SASH1: variants seen among roughly 807,000 people sequenced by gnomAD.
The protein encoded by SASH1 is SAM and SH3 domain-containing protein 1.
Under a neutral mutation model 125.2 loss-of-function variants are expected in SASH1, and 44 were observed. The observed-to-expected ratio is 0.35, with a 90% CI of 0.28 to 0.45. The LOEUF (loss-of-function observed/expected upper bound fraction) is 0.45. Ranked by LOEUF, SASH1 falls within the 20% of genes least tolerant of loss-of-function variation. The pLI is 1.00. For synonymous variants in SASH1, 639 were observed against 649.1 expected (o/e 0.98, Z 0.24); for missense variants, 1,426 against 1,614.5 (o/e 0.88, Z 2.00).
At chr6:148,239,071 G>A in the SASH1 span, among the ~76,000 whole-genome samples, 1 of 152,162 alleles carries the variant, frequency 6.6e-6, no homozygotes, top group African/African-American at 2.4e-5. Flanking sequence ...AGGGACATTA[G>A]AGTTACTGAA....
intron 8 of SASH1, among the ~76,000 whole-genome samples, chr6:148,499,836 T>G (rs1478067228): frequency 2.6e-5 from 4 of 152,198 alleles, no homozygotes; most frequent in Admixed American, 2.6e-4. Flanking sequence ...GATTCTATTC[T>G]TTACTTATTT....
intron 1 of SASH1, among the ~76,000 whole-genome samples, chr6:148,315,278 AT>A (rs368474755): frequency 1.1e-3 from 170 of 152,250 alleles, no homozygotes; most frequent in African/African-American, 3.6e-3. Flanking sequence ...TTTATTGATC[AT>A]TTGCTATGTG....
intron 4 of SASH1, among the ~76,000 whole-genome samples, chr6:148,468,093 C>T (rs1020640242): frequency 5.3e-5 from 8 of 152,214 alleles, no homozygotes; most frequent in Admixed American, 1.3e-4. Flanking sequence ...GTGTCTCACC[C>T]GCCTCCCTGC....
chr6:148,229,329 T>C, the SASH1 span, among the ~76,000 whole-genome samples: 1 of 152,104 alleles, frequency 6.6e-6, no homozygotes, highest in African/African-American at 2.4e-5. Flanking sequence ...GTGGACTACA[T>C]GTGACATGTC....
chr6:148,517,136 T>G (rs1583288028), intron 9 of SASH1, among the ~76,000 whole-genome samples: 1 of 152,324 alleles, frequency 6.6e-6, no homozygotes, highest in Non-Finnish European at 1.5e-5. Context: ...CGTAACTCTT[T>G]TATGAGGATA....
At chr6:148,491,490 G>T (rs12195868) in intron 8 of SASH1, among the ~76,000 whole-genome samples, 1 of 151,968 alleles carries the variant, frequency 6.6e-6, no homozygotes, top group Non-Finnish European at 1.5e-5. Context: ...GGTTGGTCTC[G>T]AACCTCTGAC....
chr6:148,408,903 A>G (rs542388070), intron 2 of SASH1, among the ~76,000 whole-genome samples: 1 of 152,342 alleles, frequency 6.6e-6, no homozygotes, highest in African/African-American at 2.4e-5. Flanking sequence ...AGTCGCATAA[A>G]TTGAAGTGAT....
chr6:148,490,742 G>T (rs1018651997), intron 8 of SASH1, among the ~76,000 whole-genome samples: 1 of 152,032 alleles, frequency 6.6e-6, no homozygotes, highest in Non-Finnish European at 1.5e-5. Context: ...TTTTGAAAAC[G>T]CTGATGGTTT....
At chr6:148,496,202 G>C (rs1335358074) in intron 8 of SASH1, among the ~76,000 whole-genome samples, 3 of 152,138 alleles carry the variant, frequency 2.0e-5, no homozygotes, top group African/African-American at 2.4e-5. Context: ...TAAGCGTTTT[G>C]CTTTTTAATG....
intron 17 of SASH1, among the ~76,000 whole-genome samples, chr6:148,542,426 G>A (rs753169107): frequency 3.3e-5 from 5 of 151,952 alleles, no homozygotes; most frequent in Admixed American, 6.5e-5. Flanking sequence ...TCGCTCTGTC[G>A]CCCAGGCTGG....
At chr6:148,512,004 C>CATTT (rs79447361) in intron 8 of SASH1, among the ~76,000 whole-genome samples, 3,116 of 129,090 alleles carry the variant, frequency 0.024, 86 homozygotes, top group African/African-American at 0.067. Context: ...TTGATTTCAA[C>CATTT]ATTTATTTAT....
chr6:148,451,125 C>A (rs772642736), intron 4 of SASH1, among the ~76,000 whole-genome samples: 1 of 152,220 alleles, frequency 6.6e-6, no homozygotes, highest in Non-Finnish European at 1.5e-5. Context: ...TGAGAGCTCA[C>A]TCTTCTGATT....
intron 1 of SASH1, among the ~76,000 whole-genome samples, chr6:148,287,585 A>T (rs1445728142): frequency 6.6e-6 from 1 of 152,074 alleles, no homozygotes; most frequent in Non-Finnish European, 1.5e-5. Flanking sequence ...GTCTGTATTT[A>T]AGATTATTTT....
chr6:148,491,046 C>T (rs747479315), intron 8 of SASH1, among the ~76,000 whole-genome samples: 10 of 152,130 alleles, frequency 6.6e-5, no homozygotes, highest in Non-Finnish European at 1.2e-4. Flanking sequence ...CTTTCCTTCC[C>T]GTCCTCAAGC....
Position 148,546,001 on chromosome 6 carries a change from G to T in SASH1, c.3349-14G>T. 1 of 1,611,546 alleles carries T rather than the reference G, an allele frequency of 6.2e-7. No homozygotes were observed. The highest frequency in any genetic ancestry group is 1.1e-5 in the South Asian group (1 of 90,636). ...TTATGACTCTTGATGTCATATTCCT[G>T]TTCTCCCTGGCAGCATGGCCGCTGT... is the stretch of plus-strand genomic sequence containing the variant. On this transcript the variant is annotated splice_polypyrimidine_tract_variant and intron_variant, in intron 18 of 19. Transcript: ENST00000367467.
At chr6:148,359,138 C>A (rs1782079193) in intron 1 of SASH1, among the ~76,000 whole-genome samples, 1 of 151,776 alleles carries the variant, frequency 6.6e-6, no homozygotes, top group South Asian at 2.1e-4. Context: ...ATGCACTTTG[C>A]AGTTATGGCT....
intron 1 of SASH1, among the ~76,000 whole-genome samples, chr6:148,382,595 A>T (rs553443599): frequency 6.6e-6 from 1 of 151,772 alleles, no homozygotes; most frequent in Non-Finnish European, 1.5e-5. Context: ...TGGCCCCCCA[A>T]TTTTTTTTCC....
At chr6:148,293,620 G>A (rs1462854172) in intron 1 of SASH1, among the ~76,000 whole-genome samples, 1 of 152,110 alleles carries the variant, frequency 6.6e-6, no homozygotes, top group African/African-American at 2.4e-5. Flanking sequence ...GGGAGGGGGA[G>A]GGGAATTGGA....
At chr6:148,419,287 G>T (rs776432791) in intron 2 of SASH1, among the ~76,000 whole-genome samples, 7 of 152,138 alleles carry the variant, frequency 4.6e-5, no homozygotes, top group Non-Finnish European at 1.0e-4. Flanking sequence ...TTGGAGTTTT[G>T]GGGCAAAGGT....
Sources: allele counts gnomAD v4.1 joint callset (sites outside exome capture counted in the v4.1 genomes callset), GRCh38; gene constraint gnomAD v4.1.1; transcripts MANE v1.5; gene names NCBI Gene and HGNC (gene_info 2026-07-23, HGNC 2026-07-21).